BABAM2: variants seen among roughly 807,000 people sequenced by gnomAD.
BABAM2 encodes the protein BRISC and BRCA1 A complex member 2.
Under a neutral mutation model 54.7 loss-of-function variants are expected in BABAM2, and 31 were observed. That is an observed-to-expected ratio of 0.57 (90% CI 0.43 to 0.77). BABAM2 has a LOEUF of 0.77. BABAM2 is among the 30% of genes least tolerant of loss of function. The pLI is 0.00. For missense variants in BABAM2, 364 were observed against 455.8 expected, an observed-to-expected ratio of 0.80 and a Z score of 1.83; for synonymous variants, 167 against 162.9, an observed-to-expected ratio of 1.03 and a Z score of -0.19.
At chr2:28,031,846 A>G (rs192607194) in intron 5 of BABAM2, among the ~76,000 whole-genome samples, 136 of 152,312 alleles carry the variant, frequency 8.9e-4, no homozygotes, top group Middle Eastern at 3.4e-3. Flanking sequence ...GACTGGGGAA[A>G]ACTTAGGGAC....
At chr2:28,084,204 A>G (rs1318333311) in intron 6 of BABAM2, among the ~76,000 whole-genome samples, 1 of 152,190 alleles carries the variant, frequency 6.6e-6, no homozygotes, top group Non-Finnish European at 1.5e-5. Context: ...GTCTAAAGGT[A>G]GGAAAGTAGT....
At chr2:28,321,591 A>G (rs528147812) in intron 11 of BABAM2, among the ~76,000 whole-genome samples, 1 of 152,320 alleles carries the variant, frequency 6.6e-6, no homozygotes, top group African/African-American at 2.4e-5. Context: ...TAGGAAAACA[A>G]CAGCCTTTAA....
intron 3 of BABAM2, among the ~76,000 whole-genome samples, chr2:27,934,982 C>G (rs975195429): frequency 2.0e-5 from 3 of 152,214 alleles, no homozygotes; most frequent in Admixed American, 2.0e-4. Context: ...GTAAGTAATT[C>G]AGATCTAGCT....
chr2:28,003,494 G>C (rs552107103), intron 4 of BABAM2, among the ~76,000 whole-genome samples: 2 of 152,306 alleles, frequency 1.3e-5, no homozygotes, highest in South Asian at 4.1e-4. Flanking sequence ...GGAGGCTAAA[G>C]TGGGAGAATC....
chr2:27,933,764 G>GTTTTTTTTTTTTTTTTTTTTTT lies in BABAM2; in HGVS notation c.205+3858_205+3879dup, dbSNP rs59022185. Among the ~76,000 whole-genome samples, 2 of 110,886 alleles carry GTTTTTTTTTTTTTTTTTTTTTT rather than the reference G, an allele frequency of 1.8e-5. 1 individual carries two copies. The highest frequency in any genetic ancestry group is 7.4e-5 in the African/African-American group (2 of 27,094). 72.7% of individuals were successfully genotyped at this position (110,886 alleles called of 152,430 possible). On this transcript the variant is annotated intron_variant, in intron 3 of 11. Transcript: ENST00000379624. Reference sequence around the variant, plus strand: ...AGGCGTGAGCCACTATGCCTGGCTTGTTTTTTTTTTTTTTTTTTTTTTTGA... The same window carrying GTTTTTTTTTTTTTTTTTTTTTT: ...AGGCGTGAGCCACTATGCCTGGCTTGTTTTTTTTTTTTTTTTTTTTTTTTTTTTTTTTTTTTTTTTTTTTTGA...
chr2:28,213,946 T>TAAA (rs374210606), intron 7 of BABAM2, among the ~76,000 whole-genome samples: 51 of 146,644 alleles, frequency 3.5e-4, no homozygotes, highest in Middle Eastern at 3.5e-3. Flanking sequence ...TAACTTGCTT[T>TAAA]AAAAAAAAAA....
intron 7 of BABAM2, among the ~76,000 whole-genome samples, chr2:28,146,479 A>G (rs1231825698): frequency 1.3e-5 from 2 of 152,266 alleles, no homozygotes; most frequent in African/African-American, 2.4e-5. Context: ...TAATTGGCAC[A>G]GGATTCATAT....
At chr2:28,197,528 G>A (rs748339237) in intron 7 of BABAM2, among the ~76,000 whole-genome samples, 2 of 152,150 alleles carry the variant, frequency 1.3e-5, no homozygotes, top group Non-Finnish European at 2.9e-5. Context: ...TGATCTAGAT[G>A]TCCTACCCTT....
chr2:27,993,488 G>A (rs1672919639), intron 4 of BABAM2, among the ~76,000 whole-genome samples: 2 of 152,044 alleles, frequency 1.3e-5, no homozygotes, highest in African/African-American at 4.8e-5. Flanking sequence ...CCTTTGTTTT[G>A]CAACACCCTG....
intron 3 of BABAM2, among the ~76,000 whole-genome samples, chr2:27,973,590 A>G (rs913373394): frequency 1.3e-5 from 2 of 152,134 alleles, no homozygotes; most frequent in African/African-American, 4.8e-5. Context: ...GGGGAGGGAA[A>G]AACTCCCAGT....
chr2:27,978,921 G>A (rs1352073283), intron 3 of BABAM2, among the ~76,000 whole-genome samples: 1 of 152,062 alleles, frequency 6.6e-6, no homozygotes, highest in Non-Finnish European at 1.5e-5. Flanking sequence ...GGTTAGTTTG[G>A]TAGGATAATA....
intron 4 of BABAM2, among the ~76,000 whole-genome samples, chr2:28,006,696 A>G (rs1674000401): frequency 6.6e-6 from 1 of 152,070 alleles, no homozygotes; most frequent in Non-Finnish European, 1.5e-5. Context: ...AGTATGCTTT[A>G]TTTTAAACAA....
chr2:28,081,531 C>T (rs181919146), intron 6 of BABAM2, among the ~76,000 whole-genome samples: 11 of 152,246 alleles, frequency 7.2e-5, no homozygotes, highest in Admixed American at 2.0e-4. Flanking sequence ...AAGATGAATG[C>T]GTGGGAATTG....
At chr2:27,979,550 C>G (rs1426069680) in intron 3 of BABAM2, among the ~76,000 whole-genome samples, 1 of 152,146 alleles carries the variant, frequency 6.6e-6, no homozygotes, top group Non-Finnish European at 1.5e-5. Context: ...CTGCTTTCCA[C>G]AGTGGCTGAA....
At chr2:27,897,848 G>A (rs965126254) in intron 2 of BABAM2, among the ~76,000 whole-genome samples, 2 of 152,122 alleles carry the variant, frequency 1.3e-5, no homozygotes, top group African/African-American at 4.8e-5. Flanking sequence ...ATTACAAAAT[G>A]CTTTCTTTAG....
chr2:28,027,672 G>C (rs1413434614), intron 5 of BABAM2, among the ~76,000 whole-genome samples: 1 of 152,144 alleles, frequency 6.6e-6, no homozygotes, highest in Non-Finnish European at 1.5e-5. Flanking sequence ...ATATTCCATT[G>C]AATAGACATA....
At position 28,206,417 on chromosome 2, in the gene BABAM2, A is replaced by T. The variant is rs188666146; in HGVS notation, c.681-30785A>T. 1.1e-4 allele frequency among the ~76,000 whole-genome samples: 17 copies of T among 152,290 alleles called. No homozygotes were observed. The East Asian group carries it at 1.5e-3, about 14-fold the overall frequency. ...TGTGGCCTAAGACTCTCCATTAGACAAACAGAATTCGGAATATTAGAGTGA... is the reference window on the plus strand; with the variant it reads ...TGTGGCCTAAGACTCTCCATTAGACTAACAGAATTCGGAATATTAGAGTGA... On this transcript the variant is annotated intron_variant, in intron 7 of 11. Coordinates refer to ENST00000379624, the MANE Select transcript of BABAM2 (RefSeq NM_199191.3).
At chr2:28,247,743 G>T (rs1383565838) in intron 10 of BABAM2, among the ~76,000 whole-genome samples, 7 of 152,176 alleles carry the variant, frequency 4.6e-5, no homozygotes, top group Non-Finnish European at 1.5e-5. Flanking sequence ...GCTATTGATA[G>T]GATAGCTCCT....
At chr2:28,116,682 G>A (rs1182134865) in intron 6 of BABAM2, among the ~76,000 whole-genome samples, 1 of 152,132 alleles carries the variant, frequency 6.6e-6, no homozygotes, top group Non-Finnish European at 1.5e-5. Context: ...AGGAAGAATA[G>A]CATGGTTTTG....
Sources: gnomAD v4.1 joint callset for allele counts (sites outside exome capture counted in the v4.1 genomes callset) on GRCh38, gnomAD v4.1.1 for gene constraint, MANE v1.5 for transcripts, NCBI Gene and HGNC (gene_info 2026-07-23, HGNC 2026-07-21) for gene names.